The following ATAD2 variants were observed in gnomAD, a reference collection of about 807,000 sequenced individuals.
ATAD2 encodes the protein ATPase family AAA domain-containing protein 2.
ATAD2 carries 62 observed loss-of-function variants against 168.9 expected under a neutral mutation model. That is an observed-to-expected ratio of 0.37 (90% confidence interval 0.30 to 0.45). The LOEUF (loss-of-function observed/expected upper bound fraction) is 0.45, where lower values mean the gene tolerates loss of function less well. Among genes scored for constraint, ATAD2 ranks in the 20% least tolerant of loss-of-function variants. ATAD2 has a pLI of 1.00. For missense variants in ATAD2, 1,419 were observed against 1,667.8 expected (o/e 0.85, Z 2.60); for synonymous variants, 613 against 571.6 (o/e 1.07, Z -1.03).
intron 1 of ATAD2, among the ~76,000 whole-genome samples, chr8:123,387,508 T>C (rs984709818): frequency 7.2e-5 from 11 of 152,122 alleles, no homozygotes; most frequent in Non-Finnish European, 1.6e-4. Context: ...TTTTCACATG[T>C]ATTACCAGAA....
At chr8:123,405,598 A>G (rs1813058154) in intron 1 of ATAD2, among the ~76,000 whole-genome samples, 1 of 152,244 alleles carries the variant, frequency 6.6e-6, no homozygotes, top group Non-Finnish European at 1.5e-5. Context: ...TATACAAGTA[A>G]GTATGAGCAT....
chr8:123,347,971 C>A, intron 15 of ATAD2: 2 of 598,024 alleles, frequency 3.3e-6, no homozygotes, highest in Non-Finnish European at 5.9e-6. Flanking sequence ...TATTTAATAC[C>A]AAGACTTCAT....
At chr8:123,360,145 A>G (rs1278157226) in intron 9 of ATAD2, among the ~76,000 whole-genome samples, 1 of 152,202 alleles carries the variant, frequency 6.6e-6, no homozygotes, top group Non-Finnish European at 1.5e-5. Context: ...CAAGACATAG[A>G]AAGATTAACT....
intron 1 of ATAD2, among the ~76,000 whole-genome samples, chr8:123,385,591 T>C (rs1008210596): frequency 6.6e-6 from 1 of 152,034 alleles, no homozygotes; most frequent in South Asian, 2.1e-4. Context: ...CAGCATTGGA[T>C]TTGGCAATGA....
At chr8:123,361,691 A>G in intron 8 of ATAD2, 45 bp from the exon 9 acceptor site, 1 of 1,498,210 alleles carries the variant, frequency 6.7e-7, no homozygotes, top group Non-Finnish European at 9.2e-7. Flanking sequence ...GAAGGGCAGG[A>G]AAAAGAAAAG....
At chr8:123,337,890 A>C (rs1827961124) in intron 20 of ATAD2, 69 bp from the exon 21 acceptor site, 2 of 1,417,316 alleles carry the variant, frequency 1.4e-6, no homozygotes, top group African/African-American at 1.4e-5. Context: ...GATTTAATGA[A>C]AACAGAGTCA....
chr8:123,373,542 A>G (rs1030190082), intron 2 of ATAD2, among the ~76,000 whole-genome samples: 2 of 152,134 alleles, frequency 1.3e-5, no homozygotes, highest in Non-Finnish European at 2.9e-5. Flanking sequence ...TAATCTCAGC[A>G]CTTTGGGAGG....
intron 1 of ATAD2, among the ~76,000 whole-genome samples, chr8:123,394,102 A>G (rs980583150): frequency 2.0e-5 from 3 of 152,088 alleles, no homozygotes; most frequent in African/African-American, 4.8e-5. Context: ...AGGAACTGAA[A>G]AAAAAAAACG....
At chr8:123,368,759 A>G (rs1206481349) in intron 8 of ATAD2, among the ~76,000 whole-genome samples, 4 of 152,214 alleles carry the variant, frequency 2.6e-5, no homozygotes, top group Non-Finnish European at 4.4e-5. Context: ...AAAATGCTTA[A>G]CACAGAGCCA....
rs1164507526 is a variant in ATAD2 at position 123,347,095 on chromosome 8, A to C, written c.2209T>G (p.Ser737Ala). Residue 737 changes from serine to alanine, a missense_variant, in exon 16 of 28, where the codon TCA (serine) becomes GCA (alanine). By Grantham distance (99) the Ser-to-Ala change is moderately conservative (BLOSUM62 1). Around this residue, in one of 5 missense-constraint regions of ATAD2, gnomAD observed 545 missense variants for 724.9 expected, o/e 0.75. Coordinates refer to ENST00000287394, the MANE Select transcript of ATAD2 (RefSeq NM_014109.4). ...AEFRTNKTLD[S>A]DISCPLLESD... ...AATGGTCAATCAAGTTTTATACCTG[A>C]GTCTAATGTTTTATTTGTTCTGAAT... 7.5e-6 allele frequency: 12 copies of C among 1,603,126 alleles called. No homozygotes were observed. Among genetic ancestry groups the C allele is most frequent in the Middle Eastern group, 1.7e-4 (1 of 6,036 alleles).
At chr8:123,401,133 G>T, upstream of ATAD2, 1 of 1,252,110 alleles carries the variant, frequency 8.0e-7, no homozygotes, top group Non-Finnish European at 1.2e-6. Context: ...TTGAGCTGGT[G>T]GTGGCTCCAG....
intron 11 of ATAD2, among the ~76,000 whole-genome samples, chr8:123,358,677 T>C (rs1298579440): frequency 6.6e-6 from 1 of 151,464 alleles, no homozygotes; most frequent in Non-Finnish European, 1.5e-5. Context: ...CAAAATTTAA[T>C]TTAAAACCCA....
At chr8:123,396,714 CG>C (rs1486460864), upstream of ATAD2, among the ~76,000 whole-genome samples, 1 of 152,044 alleles carries the variant, frequency 6.6e-6, no homozygotes, top group Non-Finnish European at 1.5e-5. Context: ...GGGAGCGGTG[CG>C]TAGCCCGTTT....
At chr8:123,355,926 CTTTTT>C (rs1342206995) in intron 13 of ATAD2, among the ~76,000 whole-genome samples, 1 of 151,040 alleles carries the variant, frequency 6.6e-6, no homozygotes, top group South Asian at 2.1e-4. Context: ...AGCAGGTTTA[CTTTTT>C]TTTTGAGAGG....
chr8:123,372,127 C>T (rs1829167886), intron 3 of ATAD2, among the ~76,000 whole-genome samples: 1 of 152,044 alleles, frequency 6.6e-6, no homozygotes, highest in Non-Finnish European at 1.5e-5. Context: ...CAACCCAAGT[C>T]CATCAAAAGG....
At position 123,353,926 on chromosome 8, in the gene ATAD2, A is replaced by C. The variant is rs528803915; in HGVS notation, c.1646+2463T>G. Among the ~76,000 whole-genome samples the C allele has an allele frequency of 2.5e-3, 385 of 152,322 alleles. 1 individual carries two copies. The highest frequency in any genetic ancestry group is 4.9e-3 in the Non-Finnish European group (335 of 68,020). Reference sequence around the variant, plus strand: ...GGCAGGTGGATCACCTGAGATCAGGAGTTCGAGACCAGCCTGGCCAACATG... The same window carrying C: ...GGCAGGTGGATCACCTGAGATCAGGCGTTCGAGACCAGCCTGGCCAACATG... On this transcript the variant is annotated intron_variant, in intron 13 of 27. Transcript: ENST00000287394.
At chr8:123,327,931 T>C (rs1469567418) in intron 25 of ATAD2, among the ~76,000 whole-genome samples, 1 of 152,198 alleles carries the variant, frequency 6.6e-6, no homozygotes, top group African/African-American at 2.4e-5. Flanking sequence ...GCAAACAGGC[T>C]GACAAGTTAA....
chr8:123,350,554 A>C (rs917455247), intron 13 of ATAD2, among the ~76,000 whole-genome samples: 2 of 152,120 alleles, frequency 1.3e-5, no homozygotes, highest in African/African-American at 4.8e-5. Flanking sequence ...TGTGCCTCTT[A>C]CATTTTTTTT....
At chr8:123,335,671 T>G (rs1299939412) in intron 22 of ATAD2, among the ~76,000 whole-genome samples, 1 of 152,152 alleles carries the variant, frequency 6.6e-6, no homozygotes, top group African/African-American at 2.4e-5. Context: ...TAAAAATCCT[T>G]TATACATTTT....
Sources: allele counts gnomAD v4.1 joint callset (sites outside exome capture counted in the v4.1 genomes callset), GRCh38; gene constraint gnomAD v4.1.1; regional missense constraint gnomAD v4.1.1; transcripts MANE v1.5; gene names NCBI Gene and HGNC (gene_info 2026-07-23, HGNC 2026-07-21).